The following MPRIP variants were observed in gnomAD, a reference collection of about 807,000 sequenced individuals.
MPRIP encodes myosin phosphatase Rho-interacting protein.
In MPRIP, 59 loss-of-function variants were observed where a neutral mutation model predicts 234.9. That is an observed-to-expected ratio of 0.25 (90% CI 0.20 to 0.31). The LOEUF (loss-of-function observed/expected upper bound fraction) is 0.31, where lower values mean the gene tolerates loss of function less well. MPRIP is among the 10% of genes least tolerant of loss of function. MPRIP has a pLI of 1.00. For missense variants in MPRIP, 2,436 were observed against 3,071.0 expected, an observed-to-expected ratio of 0.79 and a Z score of 4.89; for synonymous variants, 1,144 against 1,263.9, an observed-to-expected ratio of 0.91 and a Z score of 2.01.
At chr17:17,132,697 T>C (rs2090621215) in intron 5 of MPRIP, among the ~76,000 whole-genome samples, 1 of 152,122 alleles carries the variant, frequency 6.6e-6, no homozygotes, top group South Asian at 2.1e-4. Flanking sequence ...GCTGATGGAG[T>C]CAGCCTGGGC....
chr17:17,150,176 C>A lies in MPRIP; in HGVS notation c.1662C>A (p.Ser554=), dbSNP rs144170910. Residue 554 remains serine (S), a synonymous_variant, in exon 12 of 24, where the codon TCC becomes TCA. Coordinates refer to ENST00000651222, the MANE Select transcript of MPRIP (RefSeq NM_001364716.4). ...ACTTGGATGGAGAAATTGACTTGTC[C>A]GCATGTTACGATGTCACAGAGTATC... ...AADLDGEIDL[S]ACYDVTEYPV... is the part of the protein sequence containing the mutation. The A allele has an allele frequency of 6.2e-7, 1 of 1,613,712 alleles. No homozygotes were observed. The highest frequency in any genetic ancestry group is 1.7e-5 in the Admixed American group (1 of 59,920).
intron 23 of MPRIP, among the ~76,000 whole-genome samples, chr17:17,184,539 C>T (rs757128732): frequency 6.6e-6 from 1 of 152,240 alleles, no homozygotes; most frequent in Admixed American, 6.5e-5. Context: ...TTGATCACTG[C>T]TTCTCTAAAG....
intron 3 of MPRIP, among the ~76,000 whole-genome samples, chr17:17,087,636 G>A (rs78846906): frequency 0.045 from 6,805 of 152,270 alleles, 475 homozygotes; most frequent in African/African-American, 0.14. Flanking sequence ...CAGAGCATGC[G>A]GAGCACCTTG....
intron 1 of MPRIP, among the ~76,000 whole-genome samples, chr17:17,062,725 G>A (rs973808306): frequency 2.6e-5 from 4 of 152,248 alleles, no homozygotes; most frequent in African/African-American, 7.2e-5. Flanking sequence ...GCCAGGTAGC[G>A]TGTTAGGGAG....
chr17:17,057,478 G>A (rs1482939413), intron 1 of MPRIP, among the ~76,000 whole-genome samples: 3 of 152,212 alleles, frequency 2.0e-5, no homozygotes, highest in Non-Finnish European at 1.5e-5. Context: ...CCAGGGAGAC[G>A]CGGTGCCTTC....
rs892380194 is a variant in MPRIP at position 17,054,493 on chromosome 17, G to A, written c.123+11522G>A. Among the ~76,000 whole-genome samples, 6 of 152,088 alleles carry A rather than the reference G, an allele frequency of 3.9e-5. No homozygotes were observed. In the East Asian group the frequency reaches 5.8e-4, roughly 15 times the overall value. On this transcript the variant is annotated intron_variant, in intron 1 of 23. Coordinates refer to ENST00000651222, the MANE Select transcript of MPRIP (RefSeq NM_001364716.4). ...GGGCACAAAGCCTGGACAGGACGCCGTTCCATCACAGGACACACTTGCACC... is the reference window on the plus strand; with the variant it reads ...GGGCACAAAGCCTGGACAGGACGCCATTCCATCACAGGACACACTTGCACC...
At chr17:17,182,779 G>A (rs1364356367) in intron 23 of MPRIP, 1 of 152,376 alleles carries the variant, frequency 6.6e-6, no homozygotes, top group East Asian at 1.9e-4. Context: ...TTCTGACGCA[G>A]TGCCTGCAAG....
chr17:17,107,134 A>T (rs547864570), intron 3 of MPRIP, among the ~76,000 whole-genome samples: 1 of 152,268 alleles, frequency 6.6e-6, no homozygotes, highest in East Asian at 1.9e-4. Context: ...CGTAGCCTGG[A>T]GGGTGTCGGG....
intron 7 of MPRIP, 124 bp from the exon 8 acceptor site, chr17:17,142,503 C>G (rs1329224002): frequency 7.7e-6 from 9 of 1,169,624 alleles, no homozygotes; most frequent in Non-Finnish European, 1.1e-5. Flanking sequence ...TCTAGACAAC[C>G]TCGGTGCTGT....
chr17:17,131,706 G>A lies in MPRIP; in HGVS notation c.504+5G>A, dbSNP rs1255580194. On this transcript the variant is annotated splice_donor_5th_base_variant and intron_variant, in intron 5 of 23. Coordinates refer to ENST00000651222, the MANE Select transcript of MPRIP (RefSeq NM_001364716.4). The stretch of plus-strand genomic sequence containing the variant: ...GTGGAGCCCCCCACACCACAGGTAG[G>A]CAGTGGGTTTGCCAGATGGCATCCC... 1.9e-6 allele frequency: 3 copies of A among 1,614,026 alleles called. No individual in the cohort carries two copies. Among genetic ancestry groups the A allele is most frequent in the South Asian group, 1.1e-5 (1 of 91,086 alleles).
rs1467860500 is a variant in MPRIP, at chr17:17,166,659, A to G, written c.5068A>G (p.Ile1690Val). The change falls in exon 16 of 24, where the codon ATC becomes GTC. Residue 1690 changes from isoleucine (I) to valine (V), a missense_variant. Physicochemically the swap from Ile to Val is conservative, Grantham distance 29. Transcript: ENST00000651222. This position sits in a 1 kb window ranked among gnomAD's most constrained non-coding sequence, Gnocchi z 4.4. ...RESFHRRLQS[I>V]QETLRGTQTA... Reference sequence around the variant, plus strand: ...GTCGTTCCACCGCAGGCTACAGAGCATCCAGGAGACCCTGCGGGGCACCCA... The same window carrying G: ...GTCGTTCCACCGCAGGCTACAGAGCGTCCAGGAGACCCTGCGGGGCACCCA... 7.7e-7 allele frequency: 1 copy of G among 1,304,142 alleles called. No individual in the cohort carries two copies. The highest frequency in any genetic ancestry group is 1.0e-6 in the Non-Finnish European group (1 of 988,966). 80.8% of individuals were successfully genotyped at this position (1,304,142 alleles called of 1,614,324 possible). A position where few individuals can be genotyped will look rare whatever the true frequency, so the allele number is the denominator to read the frequency against.
chr17:17,143,161 T>A (rs2045368379), intron 8 of MPRIP, among the ~76,000 whole-genome samples: 1 of 152,204 alleles, frequency 6.6e-6, no homozygotes, highest in Non-Finnish European at 1.5e-5. Flanking sequence ...CTGCTGCTTT[T>A]GTAGCCGGCC....
intron 3 of MPRIP, among the ~76,000 whole-genome samples, chr17:17,122,027 G>T (rs887649655): frequency 6.6e-6 from 1 of 152,192 alleles, no homozygotes; most frequent in African/African-American, 2.4e-5. Context: ...ATTCCATGGT[G>T]TATATATATC....
intron 13 of MPRIP, among the ~76,000 whole-genome samples, chr17:17,157,448 GC>G (rs1260079784): frequency 3.3e-5 from 5 of 152,190 alleles, no homozygotes; most frequent in Non-Finnish European, 7.3e-5. Flanking sequence ...TGAACTCGTG[GC>G]CACCTGGGCC....
At chr17:17,161,197 T>G (rs1455647896) in intron 14 of MPRIP, 43 bp from the exon 15 acceptor site, 19 of 1,437,572 alleles carry the variant, frequency 1.3e-5, no homozygotes, top group Non-Finnish European at 1.8e-5. Context: ...GCTTTGTTTA[T>G]CATTGTCATT....
intron 1 of MPRIP, among the ~76,000 whole-genome samples, chr17:17,049,831 T>G (rs1339648454): frequency 6.6e-6 from 1 of 152,228 alleles, no homozygotes; most frequent in African/African-American, 2.4e-5. Context: ...ACCAGCCCTG[T>G]CCTCTAGAAC....
chr17:17,177,211 C>T (rs757902478), intron 21 of MPRIP, 39 bp from the exon 22 acceptor site: 16 of 1,594,552 alleles, frequency 1.0e-5, no homozygotes, highest in Non-Finnish European at 8.6e-6. Context: ...CTCCTCTTTC[C>T]TGGATGTAAC....
chr17:17,109,768 G>A (rs8066280), intron 3 of MPRIP, among the ~76,000 whole-genome samples: 6,795 of 152,180 alleles, frequency 0.045, 472 homozygotes, highest in African/African-American at 0.14. Flanking sequence ...GGGCTGGGGC[G>A]GGAAATATAC....
chr17:17,074,510 ACT>A (rs1372839818), intron 1 of MPRIP, among the ~76,000 whole-genome samples: 1 of 152,086 alleles, frequency 6.6e-6, no homozygotes, highest in South Asian at 2.1e-4. Context: ...CTTAAGATTC[ACT>A]CTCTTAAAGT....
Sources: allele counts gnomAD v4.1 joint callset (sites outside exome capture counted in the v4.1 genomes callset), GRCh38; gene constraint gnomAD v4.1.1; non-coding constraint Gnocchi (gnomAD v3.1); transcripts MANE v1.5; gene names NCBI Gene and HGNC (gene_info 2026-07-23, HGNC 2026-07-21).